Variants in CFHR5 observed in about 807,000 individuals in gnomAD.
CFHR5 encodes complement factor H related 5.
Under a neutral mutation model 62.9 loss-of-function variants are expected in CFHR5, and 73 were observed. That is an observed-to-expected ratio of 1.16 (90% confidence interval 0.96 to 1.41). The LOEUF (loss-of-function observed/expected upper bound fraction) is 1.41, where lower values mean the gene tolerates loss of function less well. Among genes scored for constraint, CFHR5 ranks in the 40% most tolerant of loss-of-function variants. The pLI, the probability that CFHR5 is intolerant of heterozygous loss-of-function variation, is 0.00. For synonymous variants in CFHR5, 249 were observed against 227.2 expected, an observed-to-expected ratio of 1.10 and a Z score of -0.86; for missense variants, 779 against 679.9, an observed-to-expected ratio of 1.15 and a Z score of -1.62.
intron 7 of CFHR5, among the ~76,000 whole-genome samples, chr1:196,999,135 A>C (rs1654066739): frequency 6.7e-6 from 1 of 149,298 alleles, no homozygotes; most frequent in Non-Finnish European, 1.5e-5. Context: ...TAAAATACTA[A>C]TTTATAGCAA....
intron 7 of CFHR5, among the ~76,000 whole-genome samples, chr1:196,999,797 GTA>G (rs1163817388): frequency 2.1e-5 from 3 of 141,446 alleles, no homozygotes; most frequent in East Asian, 2.1e-4. Flanking sequence ...ATATATGTGT[GTA>G]TATATATGTG....
Position 197,009,548 on chromosome 1 carries a change from C to A in CFHR5, c.*865C>A, listed in dbSNP as rs1336429482. 1.3e-5 allele frequency: 2 copies of A among 152,104 alleles called. No homozygotes were observed. Among genetic ancestry groups the A allele is most frequent in the Non-Finnish European group, 2.9e-5 (2 of 68,030 alleles). The allele number at this position is 152,104 out of a possible 1,614,324, so 9.4% of individuals were successfully genotyped here. A position where few individuals can be genotyped will look rare whatever the true frequency, so the allele number is the denominator to read the frequency against. On this transcript the variant is annotated 3_prime_UTR_variant, in exon 10 of 10. Coordinates refer to ENST00000256785, the MANE Select transcript of CFHR5 (RefSeq NM_030787.4). ...CATGTTATTATCACTTAAAAACCTG[C>A]GAAAGCTGTCAACTTTTGTGGTTGT...
At chr1:196,995,006 T>C (rs927630335) in intron 4 of CFHR5, among the ~76,000 whole-genome samples, 2 of 152,098 alleles carry the variant, frequency 1.3e-5, no homozygotes, top group Admixed American at 6.5e-5. Context: ...CCACAACACA[T>C]AGGAATTGTG....
intron 7 of CFHR5, among the ~76,000 whole-genome samples, chr1:196,998,821 A>T (rs1000413766): frequency 2.6e-5 from 4 of 152,184 alleles, no homozygotes; most frequent in African/African-American, 9.6e-5. Context: ...AAGTAATTAT[A>T]AAATGGGGCA....
Position 196,982,950 on chromosome 1 carries a change from T to C in CFHR5, c.124T>C (p.Phe42Leu). Residue 42 changes from phenylalanine (F) to leucine (L), a missense_variant, in exon 2 of 10, where the codon TTT (phenylalanine) becomes CTT (leucine). Transcript: ENST00000256785. ...FLYDEEDYNP[F>L]SQVPTGEVFY... ...GTATGATGAAGAAGATTATAACCCT[T>C]TTTCCCAAGTTCCTACAGGGGAAGT... 1 of 1,614,122 alleles carries C rather than the reference T, an allele frequency of 6.2e-7. No individual in the cohort carries two copies. The highest frequency in any genetic ancestry group is 8.5e-7 in the Non-Finnish European group (1 of 1,180,018).
At chr1:196,975,186 G>A (rs151262520), upstream of CFHR5, among the ~76,000 whole-genome samples, 136 of 152,304 alleles carry the variant, frequency 8.9e-4, no homozygotes, top group Middle Eastern at 6.8e-3. Flanking sequence ...GATTTGATTA[G>A]ATTGAAGAAG....
In CFHR5 at chr1:196,998,256, C is replaced by T. The variant is rs1355742891; in HGVS notation, c.1099C>T (p.His367Tyr). 3.1e-6 allele frequency: 5 copies of T among 1,611,214 alleles called. No homozygotes were observed. The highest frequency in any genetic ancestry group is 4.2e-6 in the Non-Finnish European group (5 of 1,178,348). Residue 367 changes from histidine to tyrosine, a missense_variant, in exon 7 of 10, where the codon CAC (histidine) becomes TAC (tyrosine). By Grantham distance (83) the His-to-Tyr change is moderately conservative (BLOSUM62 2). Coordinates refer to ENST00000256785, the MANE Select transcript of CFHR5 (RefSeq NM_030787.4). ...ATGTTCAGACATCTTCAGATACAGG[C>T]ACTCAGTCTGTATAAACGGGAAATG... ...YRCSDIFRYR[H>Y]SVCINGKWNP...
At chr1:196,979,360 A>G (rs1653477726) in intron 1 of CFHR5, among the ~76,000 whole-genome samples, 2 of 151,688 alleles carry the variant, frequency 1.3e-5, no homozygotes, top group South Asian at 4.2e-4. Flanking sequence ...TCCTCCTGCA[A>G]ACATCATAGA....
intron 5 of CFHR5, 46 bp downstream of exon 5, chr1:196,995,945 C>T: frequency 3.1e-6 from 5 of 1,590,998 alleles, no homozygotes; most frequent in Non-Finnish European, 4.3e-6. Context: ...TATTACTTTG[C>T]ACTTATATAT....
chr1:196,976,422 A>G (rs1264751476), upstream of CFHR5, among the ~76,000 whole-genome samples: 1 of 152,104 alleles, frequency 6.6e-6, no homozygotes, highest in African/African-American at 2.4e-5. Context: ...TTTCCAAGCT[A>G]TAAAGTCACT....
chr1:196,990,316 CTT>C (rs571836292), intron 3 of CFHR5, among the ~76,000 whole-genome samples: 2 of 151,970 alleles, frequency 1.3e-5, no homozygotes, highest in African/African-American at 2.4e-5. Context: ...GGTCTTGACT[CTT>C]TATACAATTT....
At chr1:196,995,943 T>G in intron 5 of CFHR5, 44 bp downstream of exon 5, 1 of 1,594,178 alleles carries the variant, frequency 6.3e-7, no homozygotes, top group Non-Finnish European at 8.6e-7. Context: ...ACTATTACTT[T>G]GCACTTATAT....
At chr1:196,986,372 T>TTA (rs754322981) in intron 3 of CFHR5, among the ~76,000 whole-genome samples, 3,084 of 150,832 alleles carry the variant, frequency 0.02, 84 homozygotes, top group African/African-American at 0.063. Flanking sequence ...TATTTTCTTT[T>TTA]TATATATATA....
intron 3 of CFHR5, among the ~76,000 whole-genome samples, chr1:196,993,284 T>C (rs1210032012): frequency 1.3e-5 from 2 of 152,150 alleles, no homozygotes; most frequent in Non-Finnish European, 2.9e-5. Context: ...TGTATCCTGT[T>C]TGGGTGTTTC....
At chr1:196,999,740 T>TAC (rs1558289062) in intron 7 of CFHR5, among the ~76,000 whole-genome samples, 28 of 80,052 alleles carry the variant, frequency 3.5e-4, no homozygotes, top group East Asian at 9.1e-4. Context: ...CACACATATA[T>TAC]ATACACACAC....
intron 9 of CFHR5, among the ~76,000 whole-genome samples, chr1:197,008,051 T>C (rs192988648): frequency 6.7e-6 from 1 of 148,928 alleles, no homozygotes; most frequent in African/African-American, 2.4e-5. Flanking sequence ...GAGTGATATC[T>C]GGGGTCAGGG....
intron 8 of CFHR5, among the ~76,000 whole-genome samples, chr1:197,004,081 A>G (rs1654222669): frequency 6.6e-6 from 1 of 152,208 alleles, no homozygotes; most frequent in Admixed American, 6.5e-5. Flanking sequence ...AAGGGAGATC[A>G]GTCAGTACAA....
At chr1:196,977,839 G>A (rs979871657) in intron 1 of CFHR5, 117 bp downstream of exon 1, 5 of 815,196 alleles carry the variant, frequency 6.1e-6, no homozygotes, top group African/African-American at 1.7e-5. Flanking sequence ...AATTTGAAGG[G>A]GTATCACAAT....
rs1256070558 is a variant in CFHR5 at position 197,006,927 on chromosome 1, C to T, written c.1514-1560C>T. ...TCTCGGCTCATTGCAACCTCCGCCT[C>T]CTGGGTTCAAGCGATTCTCCTGCCT... On this transcript the variant is annotated intron_variant, in intron 9 of 9. Coordinates refer to ENST00000256785, the MANE Select transcript of CFHR5 (RefSeq NM_030787.4). Among the ~76,000 whole-genome samples, 4 of 149,552 alleles carry T rather than the reference C, an allele frequency of 2.7e-5. No individual in the cohort carries two copies. In the Admixed American group the frequency reaches 2.7e-4, roughly 10 times the overall value.
Sources: gnomAD v4.1 joint callset for allele counts (sites outside exome capture counted in the v4.1 genomes callset) on GRCh38, gnomAD v4.1.1 for gene constraint, MANE v1.5 for transcripts, NCBI Gene and HGNC (gene_info 2026-07-23, HGNC 2026-07-21) for gene names.